The following ZNF236 variants were observed in gnomAD, a reference collection of about 807,000 sequenced individuals.
The protein encoded by ZNF236 is zinc finger protein 236.
In ZNF236, 50 loss-of-function variants were observed where a neutral mutation model predicts 191.2. The observed-to-expected ratio is 0.26, with a 90% CI of 0.21 to 0.33. The LOEUF is 0.33. Ranked by LOEUF, ZNF236 falls within the 10% of genes least tolerant of loss-of-function variation. The probability of loss-of-function intolerance (pLI) is 1.00; values close to 1 mark genes in which losing one functional copy is unlikely to be tolerated. For missense variants in ZNF236, 1,754 were observed against 2,374.5 expected (o/e 0.74, Z 5.43); for synonymous variants, 907 against 928.8 (o/e 0.98, Z 0.43).
rs570215365 is a variant in ZNF236 at position 76,936,106 on chromosome 18, C to T, written c.4595-1050C>T. The T allele has an allele frequency of 1.1e-5, 5 of 456,654 alleles. No homozygotes were observed. In the East Asian group the frequency reaches 2.1e-4, roughly 19 times the overall value. 28.3% of individuals were successfully genotyped at this position (456,654 alleles called of 1,614,324 possible). A position where few individuals can be genotyped will look rare whatever the true frequency, so the allele number is the denominator to read the frequency against. ...TGTTGGCCCCTGACTCCTAGGAGAG[C>T]GCTGGACTGATGTGACCCAAGTCAC... On this transcript the variant is annotated intron_variant, in intron 25 of 30. Coordinates refer to ENST00000320610, the MANE Select transcript of ZNF236 (RefSeq NM_001306089.2).
intron 1 of ZNF236, among the ~76,000 whole-genome samples, chr18:76,837,641 C>T (rs941540002): frequency 6.6e-6 from 1 of 151,842 alleles, no homozygotes; most frequent in African/African-American, 2.4e-5. Context: ...AGGGTTTCAC[C>T]ATGTTGGCCA....
At chr18:76,962,658 T>C (rs757031876) in intron 30 of ZNF236, among the ~76,000 whole-genome samples, 11 of 152,210 alleles carry the variant, frequency 7.2e-5, no homozygotes, top group Non-Finnish European at 7.3e-5. Flanking sequence ...AGTATGGCCA[T>C]TTTCACAATA....
At chr18:76,940,825 T>A (rs1599413689) in intron 26 of ZNF236, among the ~76,000 whole-genome samples, 1 of 152,196 alleles carries the variant, frequency 6.6e-6, no homozygotes, top group East Asian at 1.9e-4. Context: ...TACCTGTCCA[T>A]GGTCTGTTAG....
chr18:76,951,262 C>T (rs990346700), intron 27 of ZNF236, among the ~76,000 whole-genome samples: 2 of 152,216 alleles, frequency 1.3e-5, no homozygotes, highest in Admixed American at 6.5e-5. Flanking sequence ...TTTTCTGTAG[C>T]TATGAAAGTC....
At chr18:76,866,338 C>T (rs1419012020) in intron 3 of ZNF236, among the ~76,000 whole-genome samples, 1 of 152,046 alleles carries the variant, frequency 6.6e-6, no homozygotes. Flanking sequence ...GTGTGTTGAG[C>T]AGTAGCCGAG....
chr18:76,957,006 A>G (rs1229132685), intron 28 of ZNF236, among the ~76,000 whole-genome samples: 2 of 152,300 alleles, frequency 1.3e-5, no homozygotes, highest in African/African-American at 4.8e-5. Flanking sequence ...CATGAGAAAA[A>G]CAGACAAATT....
chr18:76,848,749 C>T (rs952301775), intron 1 of ZNF236, among the ~76,000 whole-genome samples: 10 of 152,200 alleles, frequency 6.6e-5, no homozygotes, highest in Non-Finnish European at 5.9e-5. Context: ...CACTACGCCC[C>T]GAAACTCTTG....
intron 20 of ZNF236, among the ~76,000 whole-genome samples, chr18:76,921,904 C>T (rs1420290358): frequency 1.3e-5 from 2 of 151,928 alleles, no homozygotes; most frequent in Non-Finnish European, 2.9e-5. Context: ...AAGGTTCAGA[C>T]TCCCAGTGAG....
Position 76,849,546 on chromosome 18 carries a change from G to T in ZNF236, c.76G>T (p.Ala26Ser). The T allele has an allele frequency of 6.2e-7, 1 of 1,610,348 alleles. No homozygotes were observed. Among genetic ancestry groups the T allele is most frequent in the Non-Finnish European group, 8.5e-7 (1 of 1,178,886 alleles). The change falls in exon 2 of 31, where the codon GCG becomes TCG. Residue 26 changes from alanine to serine, a missense_variant. Ala to Ser is a moderately conservative substitution (Grantham distance 99). This residue lies in a region of ZNF236 where 336 missense variants were observed against 495.1 expected (regional missense o/e 0.68). Coordinates refer to ENST00000320610, the MANE Select transcript of ZNF236 (RefSeq NM_001306089.2). ...TATAGATGGAGTTTTAACATTGAAT[G>T]CGGAGAACACTAATTATGCCTATCA... ...GDSDGVLTLN[A>S]ENTNYAYQVP...
At chr18:76,955,901 C>G (rs938162691) in intron 27 of ZNF236, 84 bp from the exon 28 acceptor site, 17 of 1,453,000 alleles carry the variant, frequency 1.2e-5, no homozygotes, top group Non-Finnish European at 1.4e-5. Flanking sequence ...GAATGTCCCT[C>G]TTATCACCAC....
chr18:76,901,619 G>A (rs1412687517), intron 11 of ZNF236, among the ~76,000 whole-genome samples: 1 of 152,172 alleles, frequency 6.6e-6, no homozygotes, highest in South Asian at 2.1e-4. Context: ...TTAGCCGGGC[G>A]TGGTGGCAGG....
intron 21 of ZNF236, among the ~76,000 whole-genome samples, chr18:76,924,866 T>A (rs1027740911): frequency 6.6e-6 from 1 of 152,140 alleles, no homozygotes; most frequent in Non-Finnish European, 1.5e-5. Context: ...GGCTGTTAAG[T>A]CATACCACCC....
Position 76,927,008 on chromosome 18 carries a change from G to A in ZNF236, c.4028-29G>A, listed in dbSNP as rs774440937. On this transcript the variant is annotated intron_variant, in intron 22 of 30. Coordinates refer to ENST00000320610, the MANE Select transcript of ZNF236 (RefSeq NM_001306089.2). This position sits in a 1 kb window ranked among gnomAD's most constrained non-coding sequence, Gnocchi z 5.4. ...GTTTTAAGAAGCATTCATAATATTTGATCATTCTCTTTCTCTTTCTCTGGC... is the reference window on the plus strand; with the variant it reads ...GTTTTAAGAAGCATTCATAATATTTAATCATTCTCTTTCTCTTTCTCTGGC... 6.3e-7 allele frequency: 1 copy of A among 1,580,750 alleles called. No individual in the cohort carries two copies.
intron 1 of ZNF236, among the ~76,000 whole-genome samples, chr18:76,823,579 T>C: frequency 6.6e-6 from 1 of 152,222 alleles, no homozygotes; most frequent in East Asian, 1.9e-4. Context: ...CCCAGTAATT[T>C]ATTCTCCATG....
At chr18:76,829,797 G>A (rs1023108490) in intron 1 of ZNF236, among the ~76,000 whole-genome samples, 6 of 152,240 alleles carry the variant, frequency 3.9e-5, no homozygotes, top group South Asian at 2.1e-4. Flanking sequence ...CAGTGTGTTC[G>A]TGCCCCTCGC....
intron 11 of ZNF236, 120 bp downstream of exon 11, chr18:76,899,342 A>T (rs1273296548): frequency 3.5e-6 from 3 of 863,514 alleles, no homozygotes; most frequent in Non-Finnish European, 1.7e-6. Flanking sequence ...CATAGTATTA[A>T]TGAAGTCTGT....
intron 8 of ZNF236, among the ~76,000 whole-genome samples, chr18:76,881,070 T>C (rs1976878611): frequency 1.3e-5 from 2 of 152,210 alleles, no homozygotes; most frequent in Non-Finnish European, 2.9e-5. Flanking sequence ...TAAATGCTTA[T>C]ATTATTTTGG....
In ZNF236 at chr18:76,927,580, CATATTTGAATTTAGG is replaced by C; in HGVS notation, c.4414+66_4414+80del. On this transcript the variant is annotated intron_variant, in intron 24 of 30. Coordinates refer to ENST00000320610, the MANE Select transcript of ZNF236 (RefSeq NM_001306089.2). This position sits in a 1 kb window ranked among gnomAD's most constrained non-coding sequence, Gnocchi z 5.4. Reference sequence around the variant, plus strand: ...AGTTTCAGTTTCTTGCTTGTGATTACATATTTGAATTTAGGATGTTATGATGTCATTTTCTTCTCT... The same window carrying C: ...AGTTTCAGTTTCTTGCTTGTGATTACATGTTATGATGTCATTTTCTTCTCT... 1 of 1,556,216 alleles carries C rather than the reference CATATTTGAATTTAGG, an allele frequency of 6.4e-7. No homozygotes were observed. The highest frequency in any genetic ancestry group is 1.2e-5 in the South Asian group (1 of 82,268).
chr18:76,857,028 G>A (rs942771959), intron 3 of ZNF236, among the ~76,000 whole-genome samples: 17 of 152,150 alleles, frequency 1.1e-4, no homozygotes, highest in Middle Eastern at 3.4e-3. Context: ...GCCCATCCCC[G>A]CAGGGCCTCC....
Sources: gnomAD v4.1 joint callset for allele counts (sites outside exome capture counted in the v4.1 genomes callset) on GRCh38, gnomAD v4.1.1 for gene constraint, gnomAD v4.1.1 regional missense constraint, Gnocchi (gnomAD v3.1) non-coding constraint, MANE v1.5 for transcripts, NCBI Gene and HGNC (gene_info 2026-07-23, HGNC 2026-07-21) for gene names.